Variants in AKR1C4 observed in about 807,000 individuals in gnomAD.
AKR1C4 encodes the protein aldo-keto reductase family 1 member C4.
Under a neutral mutation model 41.0 loss-of-function variants are expected in AKR1C4, and 44 were observed. The ratio of observed to expected loss-of-function variants is 1.07; its 90% CI spans 0.84 to 1.38. The LOEUF (loss-of-function observed/expected upper bound fraction) is 1.38, where lower values mean the gene tolerates loss of function less well. AKR1C4 is among the 40% of genes most tolerant of loss of function. The pLI is 0.00. For missense variants in AKR1C4, 438 were observed against 387.9 expected, an observed-to-expected ratio of 1.13 and a Z score of -1.09; for synonymous variants, 165 against 137.7, an observed-to-expected ratio of 1.20 and a Z score of -1.39.
At chr10:5,208,316 T>G (rs1328585049) in intron 5 of AKR1C4, among the ~76,000 whole-genome samples, 1 of 151,598 alleles carries the variant, frequency 6.6e-6, no homozygotes, top group Non-Finnish European at 1.5e-5. Flanking sequence ...TATTTAAAAT[T>G]TATGTATTTG....
At chr10:5,197,157 C>T (rs919313338) in intron 1 of AKR1C4, among the ~76,000 whole-genome samples, 1 of 152,170 alleles carries the variant, frequency 6.6e-6, no homozygotes, top group Non-Finnish European at 1.5e-5. Context: ...TAATTTACTG[C>T]TTATTTTTAT....
intron 7 of AKR1C4, among the ~76,000 whole-genome samples, chr10:5,214,765 T>A (rs1554798328): frequency 6.6e-6 from 1 of 150,584 alleles, no homozygotes; most frequent in Non-Finnish European, 1.5e-5. Flanking sequence ...ATTGTTAAAT[T>A]GATGACATTT....
intron 5 of AKR1C4, among the ~76,000 whole-genome samples, chr10:5,211,935 A>G (rs897126628): frequency 6.6e-6 from 1 of 152,190 alleles, no homozygotes; most frequent in Non-Finnish European, 1.5e-5. Flanking sequence ...TTTTAAAATC[A>G]TTAGATCTTG....
In AKR1C4 at chr10:5,216,763, A is replaced by G. The variant is rs782769364; in HGVS notation, c.899A>G (p.Asn300Ser). Residue 300 changes from asparagine (N) to serine (S), a missense_variant, in exon 8 of 9, where the codon AAC becomes AGC. By Grantham distance (46) the Asn-to-Ser change is conservative. Transcript: ENST00000263126. ...SEDMKVLDGL[N>S]RNYRYVVMDF... ...GATATGAAAGTTCTAGATGGTCTAA[A>G]CAGAAATTATCGATATGTTGTCATG... 4 of 1,612,316 alleles carry G rather than the reference A, an allele frequency of 2.5e-6. No homozygotes were observed. The East Asian group carries it at 6.7e-5, about 27-fold the overall frequency.
At chr10:5,214,491 T>C (rs1554798284) in intron 7 of AKR1C4, among the ~76,000 whole-genome samples, 1 of 152,206 alleles carries the variant, frequency 6.6e-6, no homozygotes, top group East Asian at 1.9e-4. Flanking sequence ...GCTGTGAAAC[T>C]GCAGATCAAT....
intron 2 of AKR1C4, among the ~76,000 whole-genome samples, chr10:5,202,781 T>C (rs1383479698): frequency 6.6e-6 from 1 of 152,178 alleles, no homozygotes; most frequent in Non-Finnish European, 1.5e-5. Context: ...GTATATCATA[T>C]TTATTGGCTT....
intron 8 of AKR1C4, 95 bp from the exon 9 acceptor site, chr10:5,218,623 C>A: frequency 1.1e-6 from 1 of 909,496 alleles, no homozygotes; most frequent in Non-Finnish European, 1.8e-6. Context: ...TCTTAACATT[C>A]ACACTAATGG....
intron 2 of AKR1C4, among the ~76,000 whole-genome samples, chr10:5,202,641 T>G (rs1832418025): frequency 6.6e-6 from 1 of 152,172 alleles, no homozygotes; most frequent in South Asian, 2.1e-4. Context: ...GGCTATGGAT[T>G]TGTTATATAT....
intron 3 of AKR1C4, among the ~76,000 whole-genome samples, chr10:5,205,169 A>G (rs955208725): frequency 4.6e-5 from 7 of 152,228 alleles, no homozygotes; most frequent in Non-Finnish European, 8.8e-5. Context: ...CTCCATAATT[A>G]TCTATGAACT....
intron 5 of AKR1C4, among the ~76,000 whole-genome samples, chr10:5,210,465 G>C (rs547217627): frequency 6.6e-6 from 1 of 152,314 alleles, no homozygotes; most frequent in Admixed American, 6.5e-5. Context: ...GGGACTGTGT[G>C]GGGGCTCTGA....
intron 5 of AKR1C4, among the ~76,000 whole-genome samples, chr10:5,207,010 C>G (rs1482742191): frequency 6.6e-6 from 1 of 152,098 alleles, no homozygotes; most frequent in African/African-American, 2.4e-5. Flanking sequence ...GCGTGCTACC[C>G]CCACCCCTGC....
chr10:5,216,643 A>T, intron 7 of AKR1C4, 68 bp from the exon 8 acceptor site: 1 of 1,166,388 alleles, frequency 8.6e-7, no homozygotes, highest in Non-Finnish European at 1.3e-6. Flanking sequence ...CTACTGTGTG[A>T]TATACTTGGC....
chr10:5,211,996 G>T (rs529112434), intron 5 of AKR1C4, among the ~76,000 whole-genome samples: 3 of 152,248 alleles, frequency 2.0e-5, no homozygotes, highest in East Asian at 3.9e-4. Context: ...CCATTCCCAT[G>T]ATTCAATTAT....
At chr10:5,208,855 G>C (rs968176185) in intron 5 of AKR1C4, among the ~76,000 whole-genome samples, 7 of 150,406 alleles carry the variant, frequency 4.7e-5, no homozygotes, top group Non-Finnish European at 8.8e-5. Flanking sequence ...CCTCTAAGGA[G>C]AGAATTATAA....
At chr10:5,207,965 T>A (rs1832515125) in intron 5 of AKR1C4, among the ~76,000 whole-genome samples, 1 of 146,642 alleles carries the variant, frequency 6.8e-6, no homozygotes, top group Admixed American at 6.6e-5. Context: ...CACAAATATT[T>A]TGGTACTATC....
intron 1 of AKR1C4, among the ~76,000 whole-genome samples, chr10:5,197,156 G>A (rs1832323768): frequency 6.6e-6 from 1 of 152,134 alleles, no homozygotes; most frequent in Admixed American, 6.5e-5. Flanking sequence ...GTAATTTACT[G>A]CTTATTTTTA....
At chr10:5,213,290 C>A in intron 7 of AKR1C4, 131 bp downstream of exon 7, 1 of 1,407,304 alleles carries the variant, frequency 7.1e-7, no homozygotes. Flanking sequence ...GCTTTGTGTG[C>A]ATAAGTGTTT....
chr10:5,208,962 CTTG>C (rs1471162449), intron 5 of AKR1C4, among the ~76,000 whole-genome samples: 1 of 145,368 alleles, frequency 6.9e-6, no homozygotes, highest in African/African-American at 2.8e-5. Context: ...GGTCCGTTAA[CTTG>C]TTGTTCCAAG....
At chr10:5,213,231 G>GGACA (rs1832605676) in intron 7 of AKR1C4, 72 bp downstream of exon 7, 1 of 1,569,436 alleles carries the variant, frequency 6.4e-7, no homozygotes, top group African/African-American at 1.4e-5. Flanking sequence ...AAGGTTCTCA[G>GGACA]GACACCCTTG....
Sources: allele counts gnomAD v4.1 joint callset (sites outside exome capture counted in the v4.1 genomes callset), GRCh38; gene constraint gnomAD v4.1.1; transcripts MANE v1.5; gene names NCBI Gene and HGNC (gene_info 2026-07-23, HGNC 2026-07-21).